Variants in ZNF846 observed in about 807,000 individuals in gnomAD.
The protein encoded by ZNF846 is zinc finger protein 420 pseudogene.
In ZNF846, 15 loss-of-function variants were observed where a neutral mutation model predicts 16.0. The ratio of observed to expected loss-of-function variants is 0.94; its 90% confidence interval spans 0.63 to 1.45. The LOEUF (loss-of-function observed/expected upper bound fraction) is 1.45. ZNF846 is among the 40% of genes most tolerant of loss of function. ZNF846 has a pLI of 0.00. For synonymous variants in ZNF846, 229 were observed against 212.0 expected (o/e 1.08, Z -0.70); for missense variants, 714 against 622.3 (o/e 1.15, Z -1.57).
chr19:9,751,187 T>C (rs1164947139), downstream of ZNF846, among the ~76,000 whole-genome samples: 1 of 152,120 alleles, frequency 6.6e-6, no homozygotes, highest in African/African-American at 2.4e-5. Context: ...CTAATCACTC[T>C]ATACAACAAA....
chr19:9,774,538 T>A, intron 1 of ZNF846: 1 of 1,412,436 alleles, frequency 7.1e-7, no homozygotes, highest in Non-Finnish European at 1.0e-6. Context: ...TGAGGAAATC[T>A]GCAAATGTGG....
intron 1 of ZNF846, among the ~76,000 whole-genome samples, chr19:9,783,544 A>AAT (rs1555714919): frequency 0.015 from 1,601 of 108,670 alleles, 35 homozygotes; most frequent in East Asian, 0.084. Flanking sequence ...AAAAAAAAAA[A>AAT]ATATATATAT....
At chr19:9,773,113 T>G (rs572082311), upstream of ZNF846, among the ~76,000 whole-genome samples, 2 of 152,278 alleles carry the variant, frequency 1.3e-5, no homozygotes, top group African/African-American at 2.4e-5. Context: ...AAAATACATC[T>G]ACAAGAACAA....
chr19:9,769,887 A>G (rs866362694), upstream of ZNF846, among the ~76,000 whole-genome samples: 25 of 151,736 alleles, frequency 1.6e-4, no homozygotes, highest in Middle Eastern at 3.4e-3. Context: ...AGGCTGAGGC[A>G]GGAGAATTGC....
chr19:9,750,633 C>T (rs2045076393), downstream of ZNF846, among the ~76,000 whole-genome samples: 1 of 152,194 alleles, frequency 6.6e-6, no homozygotes, highest in Non-Finnish European at 1.5e-5. Context: ...CTGCCTGTCC[C>T]CCTCATGACA....
chr19:9,777,149 GCACACACACACA>G lies in ZNF846; in HGVS notation c.-86+8777_-86+8788del, dbSNP rs113160573. ...AGAACGAAAGAAAACACACACACACGCACACACACACACACACACACACACACAATTGGATGG... is the reference window on the plus strand; with the variant it reads ...AGAACGAAAGAAAACACACACACACGCACACACACACACACAATTGGATGG... On this transcript the variant is annotated intron_variant, in intron 1 of 4. Coordinates refer to the ZNF846 transcript ENST00000586814. Among the ~76,000 whole-genome samples, 9 of 131,746 alleles carry G rather than the reference GCACACACACACA, an allele frequency of 6.8e-5. 1 individual carries two copies. The South Asian group carries it at 1.3e-3, about 19-fold the overall frequency. The allele number at this position is 131,746 out of a possible 152,430, so 86.4% of individuals were successfully genotyped here. A position where few individuals can be genotyped will look rare whatever the true frequency, so the allele number is the denominator to read the frequency against.
At chr19:9,749,987 C>T (rs185324675), downstream of ZNF846, among the ~76,000 whole-genome samples, 1 of 152,198 alleles carries the variant, frequency 6.6e-6, no homozygotes, top group Non-Finnish European at 1.5e-5. Flanking sequence ...AACAACTATC[C>T]CTGTTGCTGC....
upstream of ZNF846, among the ~76,000 whole-genome samples, chr19:9,770,480 C>CTTT (rs565850988): frequency 1.2e-4 from 16 of 130,140 alleles, no homozygotes; most frequent in South Asian, 7.1e-4. Context: ...TGGGTTTTCT[C>CTTT]TTTTTTTTTT....
At chr19:9,779,193 G>A (rs1422397579) in intron 1 of ZNF846, among the ~76,000 whole-genome samples, 7 of 152,276 alleles carry the variant, frequency 4.6e-5, no homozygotes, top group Admixed American at 2.0e-4. Context: ...TAGCTTCGGG[G>A]TGTCACCTTG....
intron 1 of ZNF846, among the ~76,000 whole-genome samples, chr19:9,782,975 G>A (rs979496175): frequency 1.3e-4 from 19 of 151,342 alleles, no homozygotes; most frequent in African/African-American, 4.4e-4. Context: ...AGGATGGAGT[G>A]CAGTAGCATG....
intron 2 of ZNF846, among the ~76,000 whole-genome samples, chr19:9,764,201 T>C (rs1316139156): frequency 6.6e-6 from 1 of 152,232 alleles, no homozygotes; most frequent in Non-Finnish European, 1.5e-5. Context: ...ACGGCTCTTG[T>C]AGGCCTCTTT....
downstream of ZNF846, among the ~76,000 whole-genome samples, chr19:9,754,077 ATT>A (rs137984361): frequency 1.3e-5 from 2 of 151,398 alleles, no homozygotes; most frequent in East Asian, 3.9e-4. Flanking sequence ...GATACATATA[ATT>A]TTTTTATCTT....
downstream of ZNF846, among the ~76,000 whole-genome samples, chr19:9,750,079 T>G (rs2045071908): frequency 6.6e-6 from 1 of 152,078 alleles, no homozygotes; most frequent in Non-Finnish European, 1.5e-5. Context: ...TTACTCTTTA[T>G]CTCCAGAACC....
chr19:9,751,019 A>G (rs1397995065), downstream of ZNF846, among the ~76,000 whole-genome samples: 1 of 152,182 alleles, frequency 6.6e-6, no homozygotes, highest in African/African-American at 2.4e-5. Context: ...CTAGTCAGGC[A>G]ACTAATTATG....
At chr19:9,764,737 G>A (rs945846705) in intron 2 of ZNF846, 199 bp downstream of exon 2, 5 of 620,534 alleles carry the variant, frequency 8.1e-6, no homozygotes, top group Non-Finnish European at 1.1e-5. Flanking sequence ...TGGGCTGCTG[G>A]CCAGATCCCG....
downstream of ZNF846, among the ~76,000 whole-genome samples, chr19:9,753,223 T>A (rs551796247): frequency 1.0e-5 from 1 of 100,288 alleles, no homozygotes; most frequent in South Asian, 2.5e-4. Flanking sequence ...AGACAAAATT[T>A]ATTTATTTAT....
At chr19:9,782,800 A>T (rs1228019915) in intron 1 of ZNF846, among the ~76,000 whole-genome samples, 1 of 152,238 alleles carries the variant, frequency 6.6e-6, no homozygotes, top group Non-Finnish European at 1.5e-5. Context: ...AGGACACCAT[A>T]TGCATTTGAA....
rs138770525 is a variant in ZNF846, at chr19:9,767,520, T to C, written c.-86+769A>G. On this transcript the variant is annotated intron_variant, in intron 1 of 5. Transcript: ENST00000397902. ...AAATGATCAGTCTACAACAAGGATATATAATAGGTGTTCAATATTCTGGCC... is the reference window on the plus strand; with the variant it reads ...AAATGATCAGTCTACAACAAGGATACATAATAGGTGTTCAATATTCTGGCC... Among the ~76,000 whole-genome samples the C allele has an allele frequency of 8.5e-5, 13 of 152,242 alleles. No homozygotes were observed. In the East Asian group the frequency reaches 2.1e-3, roughly 25 times the overall value.
At chr19:9,767,665 G>A (rs1257050841) in intron 1 of ZNF846, among the ~76,000 whole-genome samples, 1 of 152,064 alleles carries the variant, frequency 6.6e-6, no homozygotes, top group Non-Finnish European at 1.5e-5. Flanking sequence ...GGCCAGGCGC[G>A]GTGGCTTATA....
Sources: gnomAD v4.1 joint callset for allele counts (sites outside exome capture counted in the v4.1 genomes callset) on GRCh38, gnomAD v4.1.1 for gene constraint, MANE v1.5 for transcripts, NCBI Gene and HGNC (gene_info 2026-07-23, HGNC 2026-07-21) for gene names.